The following TMEM123 variants were observed in gnomAD, a reference collection of about 807,000 sequenced individuals.
TMEM123 encodes transmembrane protein 123.
In TMEM123, 16 loss-of-function variants were observed where a neutral mutation model predicts 19.7. The ratio of observed to expected loss-of-function variants is 0.81; its 90% CI spans 0.55 to 1.23. The LOEUF (loss-of-function observed/expected upper bound fraction) is 1.23, where lower values mean the gene tolerates loss of function less well. Ranked by LOEUF, TMEM123 falls within the 50% of genes most tolerant of loss-of-function variation. The pLI, the probability that TMEM123 is intolerant of heterozygous loss-of-function variation, is 0.00. For synonymous variants in TMEM123, 118 were observed against 99.4 expected (o/e 1.19, Z -1.12); for missense variants, 313 against 257.8 (o/e 1.21, Z -1.47).
In TMEM123 at chr11:102,423,846, A is replaced by AT. The variant is rs559800674; in HGVS notation, c.158-21641dup. 6.6e-5 allele frequency among the ~76,000 whole-genome samples: 10 copies of AT among 152,224 alleles called. No individual in the cohort carries two copies. The South Asian group carries it at 1.9e-3, about 28-fold the overall frequency. The stretch of plus-strand genomic sequence containing the variant: ...CAAAGGGAGGGAGGAACGCATACTT[A>AT]TTTTTTTATACACTTTTGCATTACT... On this transcript the variant is annotated intron_variant, in intron 2 of 4. Coordinates refer to ENST00000398136, the MANE Select transcript of TMEM123 (RefSeq NM_052932.3).
chr11:102,443,769 A>T (rs189326231), intron 2 of TMEM123, among the ~76,000 whole-genome samples: 51 of 152,276 alleles, frequency 3.3e-4, no homozygotes, highest in African/African-American at 1.2e-3. Flanking sequence ...AACCTACAGA[A>T]TGGGAGAAAA....
chr11:102,416,578 C>T lies in TMEM123; in HGVS notation c.158-14372G>A, dbSNP rs557179816. ...AGACCGATTCACAGTCAAGTTCTAC[C>T]AGACATATATTAATAAAATATAAAA... On this transcript the variant is annotated intron_variant, in intron 2 of 4. Coordinates refer to ENST00000398136, the MANE Select transcript of TMEM123 (RefSeq NM_052932.3). Among the ~76,000 whole-genome samples, 3 of 152,022 alleles carry T rather than the reference C, an allele frequency of 2.0e-5. No homozygotes were observed. The South Asian group carries it at 6.2e-4, about 32-fold the overall frequency.
At chr11:102,399,613 G>C (rs1951892310) in intron 4 of TMEM123, among the ~76,000 whole-genome samples, 1 of 152,216 alleles carries the variant, frequency 6.6e-6, no homozygotes, top group African/African-American at 2.4e-5. Context: ...TGTGATCATG[G>C]AAGCTAAAGT....
At chr11:102,450,707 T>C (rs1207171780) in intron 1 of TMEM123, among the ~76,000 whole-genome samples, 4 of 152,222 alleles carry the variant, frequency 2.6e-5, no homozygotes, top group African/African-American at 9.7e-5. Context: ...CATGTATTAA[T>C]TGTTTTACTT....
In TMEM123 at chr11:102,396,538, T is replaced by G. The variant is rs971516881; in HGVS notation, c.*2329A>C. ...TATTCAAGGAAATTTTAAAATTGGC[T>G]TCTGCCTAGTACTTATACATCTGGA... On this transcript the variant is annotated 3_prime_UTR_variant, in exon 5 of 5. Coordinates refer to ENST00000398136, the MANE Select transcript of TMEM123 (RefSeq NM_052932.3). The G allele has an allele frequency of 1.3e-5, 2 of 152,242 alleles. No homozygotes were observed. The highest frequency in any genetic ancestry group is 2.9e-5 in the Non-Finnish European group (2 of 68,038). The allele number at this position is 152,242 out of a possible 1,614,324, so 9.4% of individuals were successfully genotyped here.
At chr11:102,404,986 T>C (rs1591553747) in intron 2 of TMEM123, among the ~76,000 whole-genome samples, 1 of 152,294 alleles carries the variant, frequency 6.6e-6, no homozygotes, top group East Asian at 1.9e-4. Context: ...ACTACTGGAA[T>C]TTCTACTACT....
intron 2 of TMEM123, among the ~76,000 whole-genome samples, chr11:102,422,436 T>C (rs767765965): frequency 3.3e-5 from 5 of 152,060 alleles, no homozygotes; most frequent in Non-Finnish European, 7.4e-5. Context: ...ATTGTGTCAC[T>C]GCACTCCAGC....
Position 102,447,591 on chromosome 11 carries a change from G to A in TMEM123, c.157+1221C>T, listed in dbSNP as rs566877873. ...TCTACCCAAGGTTAAAAGTTCAGTAGTGCAGAATTAGATTCAATAAAGGAC... is the reference window on the plus strand; with the variant it reads ...TCTACCCAAGGTTAAAAGTTCAGTAATGCAGAATTAGATTCAATAAAGGAC... On this transcript the variant is annotated intron_variant, in intron 2 of 4. Transcript: ENST00000398136. 3.9e-5 allele frequency among the ~76,000 whole-genome samples: 6 copies of A among 152,258 alleles called. No individual in the cohort carries two copies. In the East Asian group the frequency reaches 7.7e-4, roughly 20 times the overall value.
intron 2 of TMEM123, among the ~76,000 whole-genome samples, chr11:102,437,891 G>A (rs866547159): frequency 6.6e-6 from 1 of 152,020 alleles, no homozygotes; most frequent in African/African-American, 2.4e-5. Flanking sequence ...CCTCCCCCTA[G>A]CATTTGTAGG....
At chr11:102,446,565 TACAAA>T (rs1857885129) in intron 2 of TMEM123, among the ~76,000 whole-genome samples, 2 of 152,224 alleles carry the variant, frequency 1.3e-5, no homozygotes, top group Admixed American at 6.5e-5. Flanking sequence ...AGTCAGCAAT[TACAAA>T]ATATCTATGT....
intron 1 of TMEM123, among the ~76,000 whole-genome samples, chr11:102,451,867 C>G (rs1000686191): frequency 2.6e-5 from 4 of 152,214 alleles, no homozygotes; most frequent in South Asian, 2.1e-4. Context: ...GCGCAGCTGC[C>G]GCGCGCCTCG....
chr11:102,404,745 A>G (rs1359741936), intron 2 of TMEM123, among the ~76,000 whole-genome samples: 2 of 151,362 alleles, frequency 1.3e-5, no homozygotes, highest in African/African-American at 2.4e-5. Flanking sequence ...GATTACAGGC[A>G]TGCACCACCA....
chr11:102,433,036 G>A (rs71478581), intron 2 of TMEM123, among the ~76,000 whole-genome samples: 1 of 151,988 alleles, frequency 6.6e-6, no homozygotes, highest in Non-Finnish European at 1.5e-5. Context: ...TGCAGGTGTG[G>A]AGGCCTCATG....
chr11:102,446,414 T>C (rs936850903), intron 2 of TMEM123, among the ~76,000 whole-genome samples: 5 of 152,234 alleles, frequency 3.3e-5, no homozygotes, highest in Non-Finnish European at 7.3e-5. Context: ...CAGTGGTACA[T>C]TGGAAAGCAA....
At chr11:102,420,778 G>A (rs1952079076) in intron 2 of TMEM123, among the ~76,000 whole-genome samples, 1 of 152,118 alleles carries the variant, frequency 6.6e-6, no homozygotes, top group South Asian at 2.1e-4. Context: ...ATAAAACTAG[G>A]GGGCCACCGG....
At chr11:102,443,890 A>C (rs1236518279) in intron 2 of TMEM123, among the ~76,000 whole-genome samples, 3 of 152,236 alleles carry the variant, frequency 2.0e-5, no homozygotes, top group Non-Finnish European at 4.4e-5. Context: ...TGGGCAAAGG[A>C]TATGAACAGA....
At chr11:102,445,215 T>G (rs1453610089) in intron 2 of TMEM123, among the ~76,000 whole-genome samples, 1 of 152,188 alleles carries the variant, frequency 6.6e-6, no homozygotes, top group Admixed American at 6.6e-5. Context: ...AAAACATGAG[T>G]TGAACACAAT....
At chr11:102,447,628 C>T (rs147708658) in intron 2 of TMEM123, among the ~76,000 whole-genome samples, 100 of 152,250 alleles carry the variant, frequency 6.6e-4, no homozygotes, top group African/African-American at 2.3e-3. Context: ...AAAGGAAAAG[C>T]TATCTAATAG....
chr11:102,432,129 T>G (rs377681408), intron 2 of TMEM123, among the ~76,000 whole-genome samples: 125 of 152,230 alleles, frequency 8.2e-4, no homozygotes, highest in Non-Finnish European at 1.2e-3. Flanking sequence ...TAGCTGAAAA[T>G]GTGGAAGCGA....
Sources: allele counts gnomAD v4.1 joint callset (sites outside exome capture counted in the v4.1 genomes callset), GRCh38; gene constraint gnomAD v4.1.1; transcripts MANE v1.5; gene names NCBI Gene and HGNC (gene_info 2026-07-23, HGNC 2026-07-21).